Variants in DAAM1 observed in about 807,000 individuals in gnomAD.
DAAM1 encodes dishevelled associated activator of morphogenesis 1, also known as disheveled-associated activator of morphogenesis 1.
Under a neutral mutation model 130.0 loss-of-function variants are expected in DAAM1, and 52 were observed. The observed-to-expected ratio is 0.40, with a 90% CI of 0.32 to 0.50. The LOEUF (loss-of-function observed/expected upper bound fraction) is 0.50, where lower values mean the gene tolerates loss of function less well. DAAM1 is among the 20% of genes least tolerant of loss of function. The pLI is 0.61. For synonymous variants in DAAM1, 452 were observed against 444.5 expected (o/e 1.02, Z -0.21); for missense variants, 1,134 against 1,303.8 (o/e 0.87, Z 2.01).
chr14:59,224,951 C>T (rs1360872968), intron 1 of DAAM1, among the ~76,000 whole-genome samples: 1 of 150,686 alleles, frequency 6.6e-6, no homozygotes, highest in African/African-American at 2.4e-5. Flanking sequence ...ATCGAGTATG[C>T]TGGCACCTTC....
At chr14:59,360,927 T>C in intron 22 of DAAM1, 65 bp downstream of exon 22, 1 of 1,456,936 alleles carries the variant, frequency 6.9e-7, no homozygotes. Context: ...CTGGTGGTTT[T>C]CAGCAGATGG....
At chr14:59,367,292 AAAG>A in intron 23 of DAAM1, 134 bp from the exon 24 acceptor site, 1 of 1,390,294 alleles carries the variant, frequency 7.2e-7, no homozygotes, top group Non-Finnish European at 9.3e-7. Context: ...TCTCCAAAAG[AAAG>A]AAAGAAATAA....
intron 2 of DAAM1, among the ~76,000 whole-genome samples, chr14:59,274,455 G>T (rs1444522134): frequency 6.6e-6 from 1 of 152,130 alleles, no homozygotes. Context: ...AACTCATTGT[G>T]TTAATCCACT....
intron 3 of DAAM1, among the ~76,000 whole-genome samples, chr14:59,309,101 G>C (rs1240616383): frequency 2.0e-5 from 3 of 152,186 alleles, no homozygotes; most frequent in Non-Finnish European, 4.4e-5. Flanking sequence ...TCACCACCAG[G>C]GGTTAAAGTT....
At chr14:59,368,410 C>A (rs1887010309) in intron 24 of DAAM1, among the ~76,000 whole-genome samples, 1 of 151,980 alleles carries the variant, frequency 6.6e-6, no homozygotes, top group African/African-American at 2.4e-5. Flanking sequence ...ATGCAGTTTA[C>A]CTAGAATCTA....
chr14:59,195,137 T>G (rs541954897), intron 1 of DAAM1, among the ~76,000 whole-genome samples: 1 of 140,514 alleles, frequency 7.1e-6, no homozygotes, highest in African/African-American at 2.7e-5. Context: ...TTCATCTTGT[T>G]ATACTTTTTT....
intron 1 of DAAM1, among the ~76,000 whole-genome samples, chr14:59,199,428 C>T (rs745474031): frequency 1.3e-5 from 2 of 152,136 alleles, no homozygotes; most frequent in Non-Finnish European, 2.9e-5. Flanking sequence ...GTCTGACCAC[C>T]AGGGGGTCCA....
chr14:59,363,820 G>C (rs146664457), intron 23 of DAAM1, 38 bp downstream of exon 23: 8 of 1,609,472 alleles, frequency 5.0e-6, no homozygotes, highest in South Asian at 3.3e-5. Flanking sequence ...TTGTTTGACC[G>C]GGCTGGGCTT....
chr14:59,266,864 A>G (rs1489061775), intron 2 of DAAM1, among the ~76,000 whole-genome samples: 1 of 152,232 alleles, frequency 6.6e-6, no homozygotes, highest in Non-Finnish European at 1.5e-5. Context: ...CCAGCTCTGT[A>G]GCCTAGGAAA....
intron 3 of DAAM1, among the ~76,000 whole-genome samples, chr14:59,307,627 T>G (rs1383370404): frequency 6.6e-6 from 1 of 152,200 alleles, no homozygotes; most frequent in Non-Finnish European, 1.5e-5. Flanking sequence ...TTGGCTCAAC[T>G]AGTCTTTCTA....
rs768351034 is a variant in DAAM1, at chr14:59,368,900, C to A, written c.*41C>A. 1.3e-6 allele frequency: 2 copies of A among 1,582,092 alleles called. No individual in the cohort carries two copies. The highest frequency in any genetic ancestry group is 4.5e-5 in the East Asian group (2 of 44,056). ...TTTTTTTAGAAAGCTCATTAGCAGC[C>A]CTCTAAAGTGACTAGAACGTTTCAT... is the stretch of plus-strand genomic sequence containing the variant. On this transcript the variant is annotated 3_prime_UTR_variant, in exon 25 of 25. Transcript: ENST00000360909.
intron 2 of DAAM1, among the ~76,000 whole-genome samples, chr14:59,268,097 T>C (rs1248017612): frequency 6.6e-6 from 1 of 151,936 alleles, no homozygotes; most frequent in Non-Finnish European, 1.5e-5. Flanking sequence ...GAGACGGGGT[T>C]TTGCCATGTT....
chr14:59,359,582 G>A lies in DAAM1; in HGVS notation c.2633+78G>A, dbSNP rs140263306. 1.6e-3 allele frequency: 1,621 copies of A among 1,028,390 alleles called. 8 individuals carry two copies. Among genetic ancestry groups the A allele is most frequent in the Non-Finnish European group, 2.3e-3 (1,537 of 675,168 alleles). The allele number at this position is 1,028,390 out of a possible 1,614,324, so 63.7% of individuals were successfully genotyped here. ...GCCATTGAGGTAGTTTGCACTGCAT[G>A]AAGTCAGTCCTTCTATTTGTTTTCC... is the stretch of plus-strand genomic sequence containing the variant. On this transcript the variant is annotated intron_variant, in intron 21 of 24. Coordinates refer to ENST00000360909, the MANE Select transcript of DAAM1 (RefSeq NM_001270520.2).
intron 16 of DAAM1, among the ~76,000 whole-genome samples, chr14:59,344,046 G>A (rs886951963): frequency 6.6e-6 from 1 of 152,166 alleles, no homozygotes; most frequent in African/African-American, 2.4e-5. Context: ...CGCTGCCAAA[G>A]GCCTGGGGGT....
rs898693943 is a variant in DAAM1, at chr14:59,369,511, T to C, written c.*652T>C. 4 of 152,558 alleles carry C rather than the reference T, an allele frequency of 2.6e-5. No individual in the cohort carries two copies. Among genetic ancestry groups the C allele is most frequent in the African/African-American group, 9.6e-5 (4 of 41,456 alleles). The allele number at this position is 152,558 out of a possible 1,614,324, so 9.5% of individuals were successfully genotyped here. ...GTAGAATGTCAATCAAGTTTTTGTA[T>C]ATTTAAAAGTTGGACATCAATTTTT... On this transcript the variant is annotated 3_prime_UTR_variant, in exon 25 of 25. Coordinates refer to ENST00000360909, the MANE Select transcript of DAAM1 (RefSeq NM_001270520.2).
intron 4 of DAAM1, among the ~76,000 whole-genome samples, chr14:59,318,543 A>T (rs1464089798): frequency 6.6e-6 from 1 of 151,278 alleles, no homozygotes; most frequent in African/African-American, 2.4e-5. Context: ...CTTATCTACT[A>T]AAAGTTGCAA....
chr14:59,307,432 T>A (rs1429132628), intron 3 of DAAM1, among the ~76,000 whole-genome samples: 1 of 152,218 alleles, frequency 6.6e-6, no homozygotes, highest in African/African-American at 2.4e-5. Flanking sequence ...TAAAAAATAT[T>A]TGACATGGAT....
At chr14:59,215,253 A>G (rs559739031) in intron 1 of DAAM1, among the ~76,000 whole-genome samples, 24 of 152,370 alleles carry the variant, frequency 1.6e-4, no homozygotes, top group Non-Finnish European at 3.1e-4. Flanking sequence ...GAAAAAAGAA[A>G]TATGTCTTTT....
intron 2 of DAAM1, among the ~76,000 whole-genome samples, chr14:59,272,643 A>ATATGTATG (rs61227619): frequency 0.31 from 45,498 of 144,934 alleles, 8,448 homozygotes; most frequent in East Asian, 0.51. Context: ...ACACACATAT[A>ATATGTATG]TATGTATGTA....
Sources: gnomAD v4.1 joint callset for allele counts (sites outside exome capture counted in the v4.1 genomes callset) on GRCh38, gnomAD v4.1.1 for gene constraint, MANE v1.5 for transcripts, NCBI Gene and HGNC (gene_info 2026-07-23, HGNC 2026-07-21) for gene names.